SLC2A9: variants seen among roughly 807,000 people sequenced by gnomAD.
SLC2A9 encodes the protein solute carrier family 2, facilitated glucose transporter member 9.
In SLC2A9, 39 loss-of-function variants were observed where a neutral mutation model predicts 50.6. That is an observed-to-expected ratio of 0.77 (90% CI 0.60 to 1.01). The LOEUF is 1.01. Ranked by LOEUF, SLC2A9 falls within the 50% of genes least tolerant of loss-of-function variation. The probability of loss-of-function intolerance (pLI) is 0.00; values close to 1 mark genes in which losing one functional copy is unlikely to be tolerated. For synonymous variants in SLC2A9, 324 were observed against 276.9 expected (o/e 1.17, Z -1.69); for missense variants, 686 against 677.6 (o/e 1.01, Z -0.14).
chr4:10,035,630 T>C (rs959313979), intron 1 of SLC2A9: 1 of 152,184 alleles, frequency 6.6e-6, no homozygotes, highest in African/African-American at 2.4e-5. Flanking sequence ...TTGGGGTGTG[T>C]CTGTGACGGC....
intron 10 of SLC2A9, among the ~76,000 whole-genome samples, chr4:9,851,320 G>C (rs1469093562): frequency 3.9e-5 from 6 of 152,138 alleles, no homozygotes; most frequent in Admixed American, 3.9e-4. Flanking sequence ...GCTGAGCGTT[G>C]GCTCCCTAAA....
chr4:9,850,117 G>A (rs1186762675), intron 10 of SLC2A9, among the ~76,000 whole-genome samples: 4 of 152,062 alleles, frequency 2.6e-5, no homozygotes, highest in African/African-American at 9.7e-5. Flanking sequence ...TGGGAACCCT[G>A]CACGGGGCTG....
Position 9,980,589 on chromosome 4 carries a change from C to T in SLC2A9, c.681+3G>A, listed in dbSNP as rs1755560182. The T allele has an allele frequency of 6.2e-7, 1 of 1,614,158 alleles. No homozygotes were observed. Among genetic ancestry groups the T allele is most frequent in the Non-Finnish European group, 8.5e-7 (1 of 1,180,014 alleles). ...ATGCGGTTGACCAGGGAGCCACACT[C>T]ACCTTTCCCAGCAGCTCGGGCAGGC... On this transcript the variant is annotated splice_donor_region_variant and intron_variant, in intron 5 of 11. Coordinates refer to ENST00000264784, the MANE Select transcript of SLC2A9 (RefSeq NM_020041.3).
intron 4 of SLC2A9, 75 bp downstream of exon 4, chr4:9,985,594 C>T: frequency 6.3e-7 from 1 of 1,593,316 alleles, no homozygotes; most frequent in South Asian, 1.1e-5. Context: ...TGTGACAGCC[C>T]CAAACACTTC....
intron 3 of SLC2A9, among the ~76,000 whole-genome samples, chr4:9,792,163 CTTT>C (rs34289788): frequency 9.2e-4 from 71 of 77,226 alleles, no homozygotes; most frequent in African/African-American, 3.0e-3. Flanking sequence ...TTCTATGTTT[CTTT>C]TTTTTTTTTT....
chr4:10,024,159 C>T (rs1015292613), upstream of SLC2A9, among the ~76,000 whole-genome samples: 17 of 152,170 alleles, frequency 1.1e-4, no homozygotes, highest in African/African-American at 4.1e-4. Flanking sequence ...CCCAACCTCT[C>T]GCTGCCTCTG....
At chr4:9,978,867 G>A (rs1755246592) in intron 5 of SLC2A9, among the ~76,000 whole-genome samples, 1 of 152,132 alleles carries the variant, frequency 6.6e-6, no homozygotes, top group African/African-American at 2.4e-5. Flanking sequence ...ACTTAAGAAT[G>A]GTCAAAATGG....
intron 5 of SLC2A9, among the ~76,000 whole-genome samples, chr4:9,952,231 A>T (rs1750430052): frequency 6.6e-6 from 1 of 152,196 alleles, no homozygotes; most frequent in Non-Finnish European, 1.5e-5. Context: ...GCCAAATATC[A>T]TGTTGAATTA....
chr4:9,963,580 G>A (rs1193302212), intron 5 of SLC2A9, among the ~76,000 whole-genome samples: 1 of 152,236 alleles, frequency 6.6e-6, no homozygotes, highest in Non-Finnish European at 1.5e-5. Flanking sequence ...AGTACTGTTT[G>A]TGGGAGGCAG....
rs1553915026 is a variant in SLC2A9, at chr4:10,018,546, T to TGATAGATGATA, written c.249+428_249+429insTATCATCTATC. On this transcript the variant is annotated intron_variant, in intron 2 of 11. Coordinates refer to ENST00000264784, the MANE Select transcript of SLC2A9 (RefSeq NM_020041.3). Reference sequence around the variant, plus strand: ...ACAGAGTGAGACTCCATCTCAAAGATGATAGATAGATAGATAGATAGATAG... The same window carrying TGATAGATGATA: ...ACAGAGTGAGACTCCATCTCAAAGATGATAGATGATAGATAGATAGATAGATAGATAGATAG... Among the ~76,000 whole-genome samples, 53 of 145,430 alleles carry TGATAGATGATA rather than the reference T, an allele frequency of 3.6e-4. 2 individuals are homozygous for TGATAGATGATA. The highest frequency in any genetic ancestry group is 1.2e-3 in the African/African-American group (47 of 39,014).
chr4:9,913,765 G>C (rs538071175), intron 7 of SLC2A9, among the ~76,000 whole-genome samples: 109 of 152,330 alleles, frequency 7.2e-4, no homozygotes, highest in Non-Finnish European at 1.2e-3. Flanking sequence ...TGCTCCTTCT[G>C]CCTGTGGCTG....
At chr4:10,016,003 G>T (rs1398100270) in intron 2 of SLC2A9, among the ~76,000 whole-genome samples, 1 of 152,202 alleles carries the variant, frequency 6.6e-6, no homozygotes, top group Non-Finnish European at 1.5e-5. Flanking sequence ...GTGGATCTGG[G>T]CAGATGGCTC....
At chr4:9,955,867 A>ATTTTTTTTT (rs1170286158) in intron 5 of SLC2A9, among the ~76,000 whole-genome samples, 3 of 61,692 alleles carry the variant, frequency 4.9e-5, no homozygotes, top group African/African-American at 1.4e-4. Context: ...AAGCATCTGG[A>ATTTTTTTTT]TTTTTTTTTT....
At chr4:9,818,597 G>A (rs182278983) in intron 3 of SLC2A9, among the ~76,000 whole-genome samples, 40 of 152,316 alleles carry the variant, frequency 2.6e-4, no homozygotes, top group African/African-American at 9.1e-4. Context: ...CACTAAACTG[G>A]CTTAGCAGAA....
intron 3 of SLC2A9, among the ~76,000 whole-genome samples, chr4:9,996,218 G>A (rs755081343): frequency 1.3e-5 from 2 of 152,188 alleles, no homozygotes; most frequent in East Asian, 3.8e-4. Flanking sequence ...AGGGAGTGTG[G>A]CTAAATAAAT....
chr4:9,802,095 T>C (rs968909906), intron 3 of SLC2A9, among the ~76,000 whole-genome samples: 1 of 152,142 alleles, frequency 6.6e-6, no homozygotes, highest in African/African-American at 2.4e-5. Flanking sequence ...GCTTCTCCAA[T>C]GATGGGCTTA....
intron 5 of SLC2A9, among the ~76,000 whole-genome samples, chr4:9,979,353 A>C (rs1755319433): frequency 6.6e-6 from 1 of 152,176 alleles, no homozygotes; most frequent in South Asian, 2.1e-4. Flanking sequence ...TGCTGCTAGA[A>C]TTCAGCTCCA....
At chr4:9,894,629 G>A (rs1315649660) in intron 8 of SLC2A9, among the ~76,000 whole-genome samples, 1 of 152,152 alleles carries the variant, frequency 6.6e-6, no homozygotes, top group Non-Finnish European at 1.5e-5. Flanking sequence ...TTTCATAACT[G>A]TGTAAAATAT....
At chr4:10,015,200 G>T (rs1042957896) in intron 2 of SLC2A9, among the ~76,000 whole-genome samples, 2 of 152,134 alleles carry the variant, frequency 1.3e-5, no homozygotes, top group African/African-American at 4.8e-5. Flanking sequence ...GTAGCCCTGG[G>T]CTTGCTGTGG....
Sources: gnomAD v4.1 joint callset for allele counts (sites outside exome capture counted in the v4.1 genomes callset) on GRCh38, gnomAD v4.1.1 for gene constraint, MANE v1.5 for transcripts, NCBI Gene and HGNC (gene_info 2026-07-23, HGNC 2026-07-21) for gene names.